Variants in SEPTIN9 observed in about 807,000 individuals in gnomAD.
SEPTIN9 encodes septin-9.
Under a neutral mutation model 56.6 loss-of-function variants are expected in SEPTIN9, and 13 were observed. The ratio of observed to expected loss-of-function variants is 0.23; its 90% CI spans 0.15 to 0.37. The LOEUF (loss-of-function observed/expected upper bound fraction) is 0.37, where lower values mean the gene tolerates loss of function less well. SEPTIN9 is among the 10% of genes least tolerant of loss of function. The probability of loss-of-function intolerance (pLI) is 1.00; values close to 1 mark genes in which losing one functional copy is unlikely to be tolerated. For missense variants in SEPTIN9, 650 were observed against 823.1 expected (o/e 0.79, Z 2.57); for synonymous variants, 332 against 334.1 (o/e 0.99, Z 0.07).
At chr17:77,368,576 T>A (rs2143888251) in intron 2 of SEPTIN9, among the ~76,000 whole-genome samples, 1 of 152,306 alleles carries the variant, frequency 6.6e-6, no homozygotes, top group Admixed American at 6.5e-5. Flanking sequence ...CCTTCCAAAG[T>A]GCTGGGATTA....
intron 2 of SEPTIN9, among the ~76,000 whole-genome samples, chr17:77,388,394 ACT>A (rs2035413717): frequency 6.6e-6 from 1 of 151,596 alleles, no homozygotes; most frequent in South Asian, 2.1e-4. Context: ...TTTACCTGTG[ACT>A]CTTCTTTGTC....
chr17:77,299,294 C>A (rs2031939594), intron 1 of SEPTIN9, among the ~76,000 whole-genome samples: 1 of 152,230 alleles, frequency 6.6e-6, no homozygotes, highest in Non-Finnish European at 1.5e-5. Context: ...TCTGTCAATC[C>A]ATCACTCCAT....
intron 2 of SEPTIN9, among the ~76,000 whole-genome samples, chr17:77,391,560 C>T (rs2035540141): frequency 6.6e-6 from 1 of 152,240 alleles, no homozygotes; most frequent in Admixed American, 6.5e-5. Context: ...ACCTTAATTA[C>T]ATCTGCAAAG....
At chr17:77,459,832 C>T (rs996255525) in intron 3 of SEPTIN9, among the ~76,000 whole-genome samples, 4 of 152,250 alleles carry the variant, frequency 2.6e-5, no homozygotes, top group South Asian at 2.1e-4. Flanking sequence ...CATGCCACCG[C>T]GCCCGGCTAA....
At chr17:77,302,406 G>T (rs1036817804) in intron 1 of SEPTIN9, among the ~76,000 whole-genome samples, 1 of 152,172 alleles carries the variant, frequency 6.6e-6, no homozygotes, top group South Asian at 2.1e-4. Flanking sequence ...CTGGCCGGGC[G>T]TGGTGGCTCA....
At chr17:77,464,836 A>G (rs188113633) in intron 3 of SEPTIN9, among the ~76,000 whole-genome samples, 7,846 of 150,500 alleles carry the variant, frequency 0.052, 663 homozygotes, top group African/African-American at 0.18. Flanking sequence ...CTCGTGATCC[A>G]CCCGCCTCAG....
intron 3 of SEPTIN9, among the ~76,000 whole-genome samples, chr17:77,416,753 A>C (rs1191093236): frequency 1.3e-5 from 2 of 152,108 alleles, no homozygotes; most frequent in African/African-American, 2.4e-5. Context: ...CGCCCACTCA[A>C]CGCTGGAACT....
intron 2 of SEPTIN9, chr17:77,376,278 C>T (rs900497436): frequency 3.0e-6 from 3 of 985,792 alleles, no homozygotes; most frequent in African/African-American, 3.5e-5. Context: ...GCATGCCCGC[C>T]GGGAGTGCAG....
chr17:77,374,164 TCCCATGGCC>T (rs1402403220), intron 2 of SEPTIN9: 2 of 152,086 alleles, frequency 1.3e-5, no homozygotes, highest in Non-Finnish European at 2.9e-5. Context: ...GAGTGGGATG[TCCCATGGCC>T]CCCATCCAGG....
chr17:77,483,048 C>T (rs1417989689), intron 4 of SEPTIN9: 2 of 163,294 alleles, frequency 1.2e-5, no homozygotes, highest in Admixed American at 5.6e-5. Context: ...GTTTTGACTC[C>T]CAGAACTGTG....
At chr17:77,336,998 GTTTTT>G (rs61414789) in intron 2 of SEPTIN9, among the ~76,000 whole-genome samples, 3 of 128,488 alleles carry the variant, frequency 2.3e-5, no homozygotes, top group African/African-American at 5.9e-5. Context: ...TTTGCCCCCC[GTTTTT>G]TTTTTTTTTT....
At chr17:77,312,739 C>T (rs917225268) in intron 2 of SEPTIN9, among the ~76,000 whole-genome samples, 4 of 152,224 alleles carry the variant, frequency 2.6e-5, no homozygotes, top group East Asian at 1.9e-4. Context: ...AGCATTTCTC[C>T]GTTTGCCTCC....
At chr17:77,438,189 G>A (rs144084774) in intron 3 of SEPTIN9, among the ~76,000 whole-genome samples, 2 of 152,332 alleles carry the variant, frequency 1.3e-5, no homozygotes, top group South Asian at 2.1e-4. Context: ...AGATGCTCAC[G>A]GAGCTGCTCC....
chr17:77,357,390 G>A (rs2034289478), intron 2 of SEPTIN9, among the ~76,000 whole-genome samples: 1 of 151,916 alleles, frequency 6.6e-6, no homozygotes, highest in Non-Finnish European at 1.5e-5. Context: ...AAAACACATG[G>A]TCAAGTTGAA....
At chr17:77,486,821 G>A (rs2039813375) in intron 4 of SEPTIN9, among the ~76,000 whole-genome samples, 1 of 152,184 alleles carries the variant, frequency 6.6e-6, no homozygotes, top group Non-Finnish European at 1.5e-5. Context: ...CCTAGCACAT[G>A]GCCCCACAGA....
chr17:77,352,013 G>A (rs1333182467), intron 2 of SEPTIN9, among the ~76,000 whole-genome samples: 1 of 152,216 alleles, frequency 6.6e-6, no homozygotes, highest in Non-Finnish European at 1.5e-5. Flanking sequence ...GCTGCCGTGG[G>A]GGAGGGGCCC....
At chr17:77,338,923 T>G (rs544159413) in intron 2 of SEPTIN9, among the ~76,000 whole-genome samples, 5 of 152,352 alleles carry the variant, frequency 3.3e-5, no homozygotes, top group African/African-American at 1.2e-4. Context: ...TCAACAATGT[T>G]CACAGCATCT....
intron 3 of SEPTIN9, among the ~76,000 whole-genome samples, chr17:77,416,731 G>T (rs1017102952): frequency 6.6e-6 from 1 of 152,206 alleles, no homozygotes; most frequent in Non-Finnish European, 1.5e-5. Context: ...TGGGTGGCAG[G>T]TTGTCCACCC....
At position 77,421,570 on chromosome 17, in the gene SEPTIN9, G is replaced by A. The variant is rs562437504; in HGVS notation, c.721+18867G>A. 6.6e-6 allele frequency among the ~76,000 whole-genome samples: 1 copy of A among 152,286 alleles called. No homozygotes were observed. The highest frequency in any genetic ancestry group is 2.1e-4 in the South Asian group (1 of 4,828). On this transcript the variant is annotated intron_variant, in intron 3 of 11. Coordinates refer to ENST00000427177, the MANE Select transcript of SEPTIN9 (RefSeq NM_001113491.2). The surrounding 1 kb of genome is among the most constrained non-coding windows in gnomAD (Gnocchi z 4.6). Reference sequence around the variant, plus strand: ...GTTTTGCTTCCTGTCCTGGGAGAAGGTATCCACATGTCCCAGAATGCACCC... The same window carrying A: ...GTTTTGCTTCCTGTCCTGGGAGAAGATATCCACATGTCCCAGAATGCACCC...
Sources: allele counts gnomAD v4.1 joint callset (sites outside exome capture counted in the v4.1 genomes callset), GRCh38; gene constraint gnomAD v4.1.1; non-coding constraint Gnocchi (gnomAD v3.1); transcripts MANE v1.5; gene names NCBI Gene and HGNC (gene_info 2026-07-23, HGNC 2026-07-21).